Variants in ATOSA observed in about 807,000 individuals in gnomAD.
The protein encoded by ATOSA is atos homolog protein A.
At chr15:52,603,038 T>C in the ATOSA span, among the ~76,000 whole-genome samples, 1 of 152,226 alleles carries the variant, frequency 6.6e-6, no homozygotes, top group African/African-American at 2.4e-5. Context: ...GTCTACCATA[T>C]TGACCAGAAG....
At chr15:52,669,944 CTA>C in the ATOSA span, among the ~76,000 whole-genome samples, 1 of 152,220 alleles carries the variant, frequency 6.6e-6, no homozygotes, top group Non-Finnish European at 1.5e-5. Flanking sequence ...TCTCACCACT[CTA>C]TTTTCCATCA....
At chr15:52,684,996 A>T in the ATOSA span, among the ~76,000 whole-genome samples, 1 of 152,268 alleles carries the variant, frequency 6.6e-6, no homozygotes, top group Non-Finnish European at 1.5e-5. Context: ...TACTTTAAAA[A>T]TATTGATCAC....
the ATOSA span, among the ~76,000 whole-genome samples, chr15:52,617,701 C>T: frequency 1.3e-5 from 2 of 150,288 alleles, no homozygotes; most frequent in Admixed American, 6.6e-5. Context: ...GTAGCTTTTA[C>T]TCTTATTTTT....
At chr15:52,611,697 T>G in the ATOSA span, 1 of 1,614,026 alleles carries the variant, frequency 6.2e-7, no homozygotes, top group Admixed American at 1.7e-5. Flanking sequence ...AGTCTGGTAG[T>G]AGCATCATTT....
At chr15:52,681,513 T>C in the ATOSA span, among the ~76,000 whole-genome samples, 1 of 152,346 alleles carries the variant, frequency 6.6e-6, no homozygotes, top group South Asian at 2.1e-4. Context: ...ATGTAACACA[T>C]GTTCAGAGCG....
the ATOSA span, among the ~76,000 whole-genome samples, chr15:52,692,079 A>G: frequency 1.3e-5 from 2 of 152,152 alleles, no homozygotes; most frequent in Non-Finnish European, 1.5e-5. Flanking sequence ...GTAGTCCTCC[A>G]TCCCCCCAAA....
the ATOSA span, chr15:52,611,375 G>GA: frequency 7.6e-7 from 1 of 1,321,470 alleles, no homozygotes. Context: ...AAGAGCATAG[G>GA]AATACACTTA....
chr15:52,604,339 C>G, the ATOSA span, among the ~76,000 whole-genome samples: 1 of 152,190 alleles, frequency 6.6e-6, no homozygotes. Flanking sequence ...GAAGACTGAG[C>G]TCCAAGTTAT....
chr15:52,640,508 T>A, the ATOSA span, among the ~76,000 whole-genome samples: 1 of 129,352 alleles, frequency 7.7e-6, no homozygotes, highest in Admixed American at 9.9e-5. Context: ...GAGGCAGAGG[T>A]TGCAGTGAGT....
the ATOSA span, among the ~76,000 whole-genome samples, chr15:52,594,243 C>A: frequency 6.6e-6 from 1 of 152,116 alleles, no homozygotes; most frequent in South Asian, 2.1e-4. Context: ...CTTATAAATA[C>A]TGTAGTATGT....
At chr15:52,625,077 C>G in the ATOSA span, among the ~76,000 whole-genome samples, 1 of 152,026 alleles carries the variant, frequency 6.6e-6, no homozygotes, top group Non-Finnish European at 1.5e-5. Flanking sequence ...CTGTGCCTGG[C>G]CATGTGTACC....
At chr15:52,650,282 T>C in the ATOSA span, among the ~76,000 whole-genome samples, 1 of 152,182 alleles carries the variant, frequency 6.6e-6, no homozygotes, top group Non-Finnish European at 1.5e-5. Flanking sequence ...GTGCTTTATA[T>C]TGTGGAGGCC....
chr15:52,626,531 A>G, the ATOSA span, among the ~76,000 whole-genome samples: 1 of 151,380 alleles, frequency 6.6e-6, no homozygotes, highest in African/African-American at 2.4e-5. Flanking sequence ...GGAAAGCTGA[A>G]AAAAAAAAAA....
chr15:52,605,235 C>T, the ATOSA span: 69 of 1,596,028 alleles, frequency 4.3e-5, 1 homozygote, highest in Non-Finnish European at 4.3e-5. Context: ...TTGAATGTTT[C>T]AGTGTAGTCC....
chr15:52,701,882 T>C, the ATOSA span, among the ~76,000 whole-genome samples: 3 of 152,068 alleles, frequency 2.0e-5, no homozygotes, highest in Non-Finnish European at 2.9e-5. Context: ...GGAGGATCAC[T>C]TGAGGCCAGG....
chr15:52,686,975 T>C, the ATOSA span, among the ~76,000 whole-genome samples: 2 of 152,254 alleles, frequency 1.3e-5, no homozygotes, highest in Admixed American at 1.3e-4. Context: ...TTCTGTATAA[T>C]ATAAGTTTAA....
At chr15:52,666,235 G>A in the ATOSA span, among the ~76,000 whole-genome samples, 1 of 152,032 alleles carries the variant, frequency 6.6e-6, no homozygotes, top group Non-Finnish European at 1.5e-5. Flanking sequence ...TTAGTTTAGG[G>A]AACCAATATA....
the ATOSA span, among the ~76,000 whole-genome samples, chr15:52,622,685 T>G: frequency 1.1e-4 from 17 of 152,250 alleles, no homozygotes; most frequent in East Asian, 3.1e-3. Context: ...AGCTGAGATC[T>G]GAATGACAAG....
the ATOSA span, among the ~76,000 whole-genome samples, chr15:52,683,134 G>C: frequency 1.3e-5 from 2 of 152,028 alleles, no homozygotes; most frequent in African/African-American, 4.8e-5. Context: ...GGAGGTCTCC[G>C]ACCCACCAAG....
Sources: allele counts gnomAD v4.1 joint callset (sites outside exome capture counted in the v4.1 genomes callset), GRCh38; gene constraint gnomAD v4.1.1; transcripts MANE v1.5; gene names NCBI Gene and HGNC (gene_info 2026-07-23, HGNC 2026-07-21).